PPP1R3A: variants seen among roughly 807,000 people sequenced by gnomAD.
The protein encoded by PPP1R3A is protein phosphatase 1 regulatory subunit 3A.
Under a neutral mutation model 41.7 loss-of-function variants are expected in PPP1R3A, and 29 were observed. The ratio of observed to expected loss-of-function variants is 0.70; its 90% CI spans 0.52 to 0.95. The LOEUF is 0.95. Among genes scored for constraint, PPP1R3A ranks in the 40% least tolerant of loss-of-function variants. The probability of loss-of-function intolerance (pLI) is 0.00; values close to 1 mark genes in which losing one functional copy is unlikely to be tolerated. For missense variants in PPP1R3A, 1,352 were observed against 1,292.4 expected, an observed-to-expected ratio of 1.05 and a Z score of -0.71; for synonymous variants, 485 against 453.4, an observed-to-expected ratio of 1.07 and a Z score of -0.89.
rs754188783 is a variant in PPP1R3A at position 113,879,092 on chromosome 7, T to G, written c.2000A>C (p.Glu667Ala). 2.5e-6 allele frequency: 4 copies of G among 1,613,832 alleles called. No individual in the cohort carries two copies. The African/African-American group carries it at 4.0e-5, about 16-fold the overall frequency. The change falls in exon 4 of 4, where the codon GAG becomes GCG. Residue 667 changes from glutamate (E) to alanine (A), a missense_variant. Physicochemically the swap from Glu to Ala is moderately radical, Grantham distance 107. Transcript: ENST00000284601. ...NVLESQGKSRENKTNITEHIK... is the reference protein window; with the variant it reads ...NVLESQGKSRANKTNITEHIK... ...ATGCTCTGTTATGTTTGTCTTATTC[T>G]CTCTTGATTTTCCCTGACTTTCCAG...
intron 1 of PPP1R3A, among the ~76,000 whole-genome samples, chr7:113,892,686 A>C (rs1171128139): frequency 6.6e-6 from 1 of 152,028 alleles, no homozygotes; most frequent in African/African-American, 2.4e-5. Context: ...ACTATGCAGA[A>C]GGAATTAAGG....
Position 113,879,031 on chromosome 7 carries a change from T to C in PPP1R3A, c.2061A>G (p.Gly687=), listed in dbSNP as rs150106418. 359 of 1,613,614 alleles carry C rather than the reference T, an allele frequency of 2.2e-4. 2 individuals are homozygous for C. In the African/African-American group the frequency reaches 4.4e-3, roughly 20 times the overall value. ...TCAAACTCCTCGTATTATCTCTTTT[T>C]CCCCACACGTCTTCACAATCTGTTT... The part of the protein sequence containing the change: ...KGQTDCEDVW[G]KRDNTRSLKA... Residue 687 remains glycine (G), a synonymous_variant, in exon 4 of 4, where the codon GGA becomes GGG. Coordinates refer to ENST00000284601, the MANE Select transcript of PPP1R3A (RefSeq NM_002711.4).
chr7:113,889,970 C>G (rs1216757715), intron 1 of PPP1R3A, among the ~76,000 whole-genome samples: 11 of 151,946 alleles, frequency 7.2e-5, no homozygotes, highest in Non-Finnish European at 2.9e-5. Context: ...GTAGGAATAC[C>G]TTCTAGAAGG....
intron 1 of PPP1R3A, among the ~76,000 whole-genome samples, chr7:113,910,329 TTAGA>T (rs1339476186): frequency 2.6e-5 from 4 of 152,028 alleles, no homozygotes; most frequent in African/African-American, 7.2e-5. Flanking sequence ...AAGGATAGAA[TTAGA>T]TAGTCTCTCC....
intron 3 of PPP1R3A, among the ~76,000 whole-genome samples, chr7:113,880,998 T>G (rs1163936178): frequency 1.3e-5 from 2 of 152,036 alleles, no homozygotes; most frequent in Non-Finnish European, 2.9e-5. Context: ...TAAACAAACT[T>G]TTATATTTGA....
chr7:113,911,169 G>A (rs1468885164), intron 1 of PPP1R3A, among the ~76,000 whole-genome samples: 1 of 151,996 alleles, frequency 6.6e-6, no homozygotes, highest in Non-Finnish European at 1.5e-5. Flanking sequence ...GTTAAATTTA[G>A]CAAATTCCTT....
rs1383355702 is a variant in PPP1R3A, at chr7:113,879,978, T to A, written c.1114A>T (p.Arg372Trp). Residue 372 changes from arginine to tryptophan, a missense_variant, in exon 4 of 4, where the codon AGG becomes TGG. Coordinates refer to ENST00000284601, the MANE Select transcript of PPP1R3A (RefSeq NM_002711.4). ...GCTGATGAACTTGGAGACAGAGACC[T>A]TTGGAACAAGTCAGTACATATTTCA... ...HGEICTDLFQ[R>W]SLSPSSSAES... 1 of 1,613,356 alleles carries A rather than the reference T, an allele frequency of 6.2e-7. No homozygotes were observed. Among genetic ancestry groups the A allele is most frequent in the Non-Finnish European group, 8.5e-7 (1 of 1,179,604 alleles).
chr7:113,899,280 A>G (rs1457179072), intron 1 of PPP1R3A, among the ~76,000 whole-genome samples: 1 of 151,798 alleles, frequency 6.6e-6, no homozygotes, highest in Non-Finnish European at 1.5e-5. Context: ...CACTTCATCC[A>G]ATGTCTTTAA....
intron 1 of PPP1R3A, among the ~76,000 whole-genome samples, chr7:113,908,356 T>C (rs532423385): frequency 1.5e-3 from 226 of 151,924 alleles, no homozygotes; most frequent in Non-Finnish European, 2.5e-3. Context: ...GTGTGTGTAT[T>C]TTTTCCACAG....
intron 1 of PPP1R3A, among the ~76,000 whole-genome samples, chr7:113,909,826 G>T (rs562689171): frequency 9.9e-5 from 15 of 152,024 alleles, no homozygotes; most frequent in African/African-American, 3.6e-4. Context: ...ACAGAACAAC[G>T]TAAGTGGCTA....
intron 1 of PPP1R3A, among the ~76,000 whole-genome samples, chr7:113,913,860 G>A (rs1797294235): frequency 6.6e-6 from 1 of 152,036 alleles, no homozygotes. Context: ...CTTGGTTTTG[G>A]TGTTTTCTCT....
At position 113,879,754 on chromosome 7, in the gene PPP1R3A, A is replaced by G. The variant is rs1422686385; in HGVS notation, c.1338T>C (p.His446=). Residue 446 remains histidine (H), a synonymous_variant, in exon 4 of 4, where the codon CAT becomes CAC. Transcript: ENST00000284601. The part of the protein sequence containing the change: ...EVLDDNANPA[H]GNGTVQIPCP... ...AAGGTATTTGCACTGTGCCATTGCC[A>G]TGGGCTGGATTAGCATTATCATCCA... 1.2e-6 allele frequency: 2 copies of G among 1,613,358 alleles called. No homozygotes were observed. Among genetic ancestry groups the G allele is most frequent in the Non-Finnish European group, 1.7e-6 (2 of 1,179,710 alleles).
At chr7:113,881,158 T>C (rs1285591799) in intron 3 of PPP1R3A, among the ~76,000 whole-genome samples, 1 of 152,054 alleles carries the variant, frequency 6.6e-6, no homozygotes, top group Non-Finnish European at 1.5e-5. Flanking sequence ...TTCTTAAAGT[T>C]GGAGCAAAGT....
chr7:113,899,365 T>C (rs941007770), intron 1 of PPP1R3A, among the ~76,000 whole-genome samples: 3 of 151,784 alleles, frequency 2.0e-5, no homozygotes, highest in African/African-American at 4.8e-5. Flanking sequence ...GTACCTTTTT[T>C]CCCAAAGAAA....
intron 1 of PPP1R3A, among the ~76,000 whole-genome samples, chr7:113,907,728 T>C (rs1797169746): frequency 6.6e-6 from 1 of 151,814 alleles, no homozygotes; most frequent in Non-Finnish European, 1.5e-5. Context: ...ATAAAAATTA[T>C]GAATGATAAA....
intron 1 of PPP1R3A, among the ~76,000 whole-genome samples, chr7:113,910,346 C>T (rs1797223907): frequency 6.6e-6 from 1 of 151,938 alleles, no homozygotes; most frequent in Non-Finnish European, 1.5e-5. Flanking sequence ...GTCTCTCCTA[C>T]AAAAGGATTC....
chr7:113,896,829 C>CA (rs771745259), intron 1 of PPP1R3A, among the ~76,000 whole-genome samples: 46 of 150,218 alleles, frequency 3.1e-4, no homozygotes, highest in Non-Finnish European at 5.3e-4. Flanking sequence ...TGCATTTATG[C>CA]AAAAAAAATG....
intron 1 of PPP1R3A, among the ~76,000 whole-genome samples, chr7:113,890,615 G>A (rs942206117): frequency 6.6e-6 from 1 of 152,018 alleles, no homozygotes; most frequent in Non-Finnish European, 1.5e-5. Flanking sequence ...AAGAATAAAT[G>A]TTTGTGTATC....
intron 1 of PPP1R3A, among the ~76,000 whole-genome samples, chr7:113,887,234 C>T (rs895358617): frequency 6.6e-6 from 1 of 151,766 alleles, no homozygotes; most frequent in Middle Eastern, 3.2e-3. Flanking sequence ...AAGATTTAAG[C>T]ATAATTTTAA....
Sources: allele counts gnomAD v4.1 joint callset (sites outside exome capture counted in the v4.1 genomes callset), GRCh38; gene constraint gnomAD v4.1.1; transcripts MANE v1.5; gene names NCBI Gene and HGNC (gene_info 2026-07-23, HGNC 2026-07-21).